Variants in ARHGAP21 observed in about 807,000 individuals in gnomAD.
ARHGAP21 encodes the protein rho GTPase-activating protein 21.
In ARHGAP21, 38 loss-of-function variants were observed where a neutral mutation model predicts 164.6. The observed-to-expected ratio is 0.23, with a 90% CI of 0.18 to 0.30. ARHGAP21 has a LOEUF of 0.30. Ranked by LOEUF, ARHGAP21 falls within the 10% of genes least tolerant of loss-of-function variation. The probability of loss-of-function intolerance (pLI) is 1.00; values close to 1 mark genes in which losing one functional copy is unlikely to be tolerated. For missense variants in ARHGAP21, 1,822 were observed against 2,370.7 expected (o/e 0.77, Z 4.81); for synonymous variants, 766 against 857.9 (o/e 0.89, Z 1.87).
At chr10:24,622,840 A>G in intron 7 of ARHGAP21, 78 bp from the exon 8 acceptor site, 1 of 1,441,526 alleles carries the variant, frequency 6.9e-7, no homozygotes, top group Non-Finnish European at 9.6e-7. Context: ...TTGATGCTGG[A>G]AACGGCAAGC....
At chr10:24,687,614 C>T (rs1337975860) in intron 2 of ARHGAP21, among the ~76,000 whole-genome samples, 1 of 152,104 alleles carries the variant, frequency 6.6e-6, no homozygotes. Context: ...TTTTCAAAAG[C>T]TACTTTATGA....
chr10:24,586,832 G>A (rs2076122721), intron 25 of ARHGAP21, among the ~76,000 whole-genome samples: 1 of 152,130 alleles, frequency 6.6e-6, no homozygotes, highest in Admixed American at 6.6e-5. Context: ...CAGATTGCTC[G>A]AGCCCAGAAG....
chr10:24,585,738 G>C lies in ARHGAP21; in HGVS notation c.4551C>G (p.Leu1517=). Residue 1517 remains leucine (L), a synonymous_variant, in exon 26 of 26, where the codon CTC becomes CTG. Transcript: ENST00000396432. ...HNSKHNKSPT[L]SCRFAILKES... ...CTTTCAGGATGGCAAAGCGACAGCT[G>C]AGAGTTGGTGACTTGTTGTGTTTTG... 6.2e-7 allele frequency: 1 copy of C among 1,614,050 alleles called. No individual in the cohort carries two copies. The highest frequency in any genetic ancestry group is 8.5e-7 in the Non-Finnish European group (1 of 1,179,954).
intron 10 of ARHGAP21, 34 bp from the exon 11 acceptor site, chr10:24,607,635 C>T (rs2077084030): frequency 6.8e-6 from 11 of 1,611,430 alleles, no homozygotes; most frequent in Non-Finnish European, 7.6e-6. Context: ...TTTAGACATT[C>T]ACAAGTGGTT....
intron 4 of ARHGAP21, among the ~76,000 whole-genome samples, chr10:24,664,308 G>C (rs1839973463): frequency 6.6e-6 from 1 of 152,030 alleles, no homozygotes; most frequent in Non-Finnish European, 1.5e-5. Context: ...TGTAATCCCA[G>C]CATTTTGGGA....
chr10:24,591,080 A>G, intron 24 of ARHGAP21, 145 bp downstream of exon 24: 1 of 958,212 alleles, frequency 1.0e-6, no homozygotes, highest in East Asian at 2.7e-5. Flanking sequence ...CAATTGGAAA[A>G]GGAAGATTAA....
intron 4 of ARHGAP21, among the ~76,000 whole-genome samples, chr10:24,645,695 G>A (rs1837499461): frequency 2.0e-5 from 3 of 152,118 alleles, no homozygotes; most frequent in Admixed American, 1.3e-4. Flanking sequence ...CATGGCACAA[G>A]GAATCAGAGC....
chr10:24,662,562 C>T (rs1839815037), intron 4 of ARHGAP21, among the ~76,000 whole-genome samples: 1 of 152,172 alleles, frequency 6.6e-6, no homozygotes, highest in Non-Finnish European at 1.5e-5. Flanking sequence ...TAATTTCCAC[C>T]ACTCTCCCAA....
chr10:24,652,504 C>T (rs1039085955), intron 4 of ARHGAP21, among the ~76,000 whole-genome samples: 8 of 152,094 alleles, frequency 5.3e-5, no homozygotes, highest in African/African-American at 1.7e-4. Context: ...AAATTAGAAA[C>T]TTCCCTTTAT....
At chr10:24,597,276 T>C (rs2076626007) in intron 16 of ARHGAP21, among the ~76,000 whole-genome samples, 171 bp downstream of exon 16, 1 of 152,198 alleles carries the variant, frequency 6.6e-6, no homozygotes, top group Non-Finnish European at 1.5e-5. Flanking sequence ...AGCTGGTGTC[T>C]TGGGCCTCAC....
In ARHGAP21 at chr10:24,584,317, G is replaced by C; in HGVS notation, c.*95C>G. 1 of 1,403,118 alleles carries C rather than the reference G, an allele frequency of 7.1e-7. No individual in the cohort carries two copies. Among genetic ancestry groups the C allele is most frequent in the East Asian group, 2.3e-5 (1 of 43,522 alleles). 86.9% of individuals were successfully genotyped at this position (1,403,118 alleles called of 1,614,324 possible). Reference sequence around the variant, plus strand: ...GATGAAACCAGCCCAAATGAAGGCTGCATAATAACAATTCTGATACAAGAA... The same window carrying C: ...GATGAAACCAGCCCAAATGAAGGCTCCATAATAACAATTCTGATACAAGAA... On this transcript the variant is annotated 3_prime_UTR_variant, in exon 26 of 26. Coordinates refer to ENST00000396432, the MANE Select transcript of ARHGAP21 (RefSeq NM_020824.4).
chr10:24,703,408 G>C (rs80068155), intron 2 of ARHGAP21, among the ~76,000 whole-genome samples: 2 of 152,010 alleles, frequency 1.3e-5, no homozygotes, highest in Non-Finnish European at 2.9e-5. Flanking sequence ...CTATATCCAG[G>C]TTATCTCATT....
rs2076011523 is a variant in ARHGAP21 at position 24,584,412 on chromosome 10, T to A, written c.5877A>T (p.Ter1959TyrextTer91). 6.3e-7 allele frequency: 1 copy of A among 1,594,390 alleles called. No homozygotes were observed. ...TTGCTAGAGTGGACATACCCCCAGT[T>A]TAAAGACAGGGATGAAACTCTGCTT... ...GSKAEFHPCL[*>Y] The change falls in exon 26 of 26, where the codon TAA becomes TAT. Residue 1959 changes from the stop codon to tyrosine, a stop_lost. Transcript: ENST00000396432.
chr10:24,702,322 G>A (rs557734334), intron 2 of ARHGAP21, among the ~76,000 whole-genome samples: 12 of 151,614 alleles, frequency 7.9e-5, no homozygotes, highest in African/African-American at 1.2e-4. Context: ...TAGTAGAGAC[G>A]GGGTTTCACC....
At chr10:24,612,614 G>A (rs1288647222) in intron 9 of ARHGAP21, among the ~76,000 whole-genome samples, 4 of 152,128 alleles carry the variant, frequency 2.6e-5, no homozygotes, top group Non-Finnish European at 5.9e-5. Flanking sequence ...CAGCACTTTG[G>A]GAGGCCAAGG....
chr10:24,717,656 T>C (rs1845520213), intron 2 of ARHGAP21, among the ~76,000 whole-genome samples: 1 of 152,080 alleles, frequency 6.6e-6, no homozygotes, highest in South Asian at 2.1e-4. Context: ...AAGTAACAAG[T>C]GAGACAGAAG....
At position 24,585,969 on chromosome 10, in the gene ARHGAP21, T is replaced by C. The variant is rs3210912; in HGVS notation, c.4320A>G (p.Val1440=). The C allele has an allele frequency of 6.2e-7, 1 of 1,614,094 alleles. No individual in the cohort carries two copies. The highest frequency in any genetic ancestry group is 8.5e-7 in the Non-Finnish European group (1 of 1,180,048). ...GTTCCACATTTTCTTTCTTAAAAAA[T>C]ACATTGTCCAGTTCATCTTCTGAGC... ...PSSSEDELDN[V]FFKKENVEQC... Residue 1440 remains valine, a synonymous_variant, in exon 26 of 26, where the codon GTA becomes GTG. Transcript: ENST00000396432.
chr10:24,600,943 C>T lies in ARHGAP21; in HGVS notation c.2848-13G>A, dbSNP rs771534727. 1.2e-5 allele frequency: 19 copies of T among 1,606,082 alleles called. No individual in the cohort carries two copies. The East Asian group carries it at 3.1e-4, about 26-fold the overall frequency. On this transcript the variant is annotated splice_polypyrimidine_tract_variant and intron_variant, in intron 13 of 25. Coordinates refer to ENST00000396432, the MANE Select transcript of ARHGAP21 (RefSeq NM_020824.4). ...TTCCACCAACTCGCTAGAAAACATGCGACAGTTCTTTAATAGTCAATATTT... is the reference window on the plus strand; with the variant it reads ...TTCCACCAACTCGCTAGAAAACATGTGACAGTTCTTTAATAGTCAATATTT...
chr10:24,618,768 T>C (rs1303438578), intron 9 of ARHGAP21, among the ~76,000 whole-genome samples: 1 of 152,144 alleles, frequency 6.6e-6, no homozygotes, highest in Non-Finnish European at 1.5e-5. Context: ...GCCTTTCAGA[T>C]CACGGGAGGA....
Sources: allele counts gnomAD v4.1 joint callset (sites outside exome capture counted in the v4.1 genomes callset), GRCh38; gene constraint gnomAD v4.1.1; transcripts MANE v1.5; gene names NCBI Gene and HGNC (gene_info 2026-07-23, HGNC 2026-07-21).